CNIH3: variants seen among roughly 807,000 people sequenced by gnomAD.
CNIH3 encodes the protein cornichon family AMPA receptor auxiliary protein 3.
A neutral mutation model predicts 24.1 loss-of-function variants in CNIH3; 14 were observed. The observed-to-expected ratio is 0.58, with a 90% CI of 0.38 to 0.91. The LOEUF (loss-of-function observed/expected upper bound fraction) is 0.91. CNIH3 is among the 40% of genes least tolerant of loss of function. The pLI, the probability that CNIH3 is intolerant of heterozygous loss-of-function variation, is 0.00. For synonymous variants in CNIH3, 68 were observed against 73.8 expected (o/e 0.92, Z 0.40); for missense variants, 178 against 196.8 (o/e 0.90, Z 0.57).
intron 4 of CNIH3, among the ~76,000 whole-genome samples, chr1:224,581,352 A>G (rs1681266650): frequency 6.6e-6 from 1 of 152,156 alleles, no homozygotes; most frequent in East Asian, 1.9e-4. Context: ...CATTACAGGG[A>G]AAAGACCGGA....
rs1266554374 is a variant in CNIH3 at position 224,458,153 on chromosome 1, G to A, written n.203+23291G>A. Among the ~76,000 whole-genome samples, 3 of 152,160 alleles carry A rather than the reference G, an allele frequency of 2.0e-5. No individual in the cohort carries two copies. Among genetic ancestry groups the A allele is most frequent in the East Asian group, 1.9e-4 (1 of 5,196 alleles). On this transcript the variant is annotated intron_variant and non_coding_transcript_variant, in intron 1 of 5. Transcript: ENST00000471578. This position sits in a 1 kb window ranked among gnomAD's most constrained non-coding sequence, Gnocchi z 4.3. ...GCTTTTGAATGTATTAAGGAGTGAC[G>A]TACGGCTGGATTCACTCTGATCTCA... is the stretch of plus-strand genomic sequence containing the variant.
chr1:224,710,790 G>A (rs534104854), intron 3 of CNIH3, among the ~76,000 whole-genome samples: 1 of 152,268 alleles, frequency 6.6e-6, no homozygotes, highest in African/African-American at 2.4e-5. Flanking sequence ...TGGCTAAAAT[G>A]TTATCTTTAC....
chr1:224,520,022 G>C (rs1226264232), intron 1 of CNIH3, among the ~76,000 whole-genome samples: 2 of 152,160 alleles, frequency 1.3e-5, no homozygotes, highest in Admixed American at 1.3e-4. Flanking sequence ...CAGAGGCCAA[G>C]GCTCTGTATC....
At chr1:224,620,086 C>T (rs768295076) in intron 1 of CNIH3, among the ~76,000 whole-genome samples, 1 of 152,194 alleles carries the variant, frequency 6.6e-6, no homozygotes, top group African/African-American at 2.4e-5. Flanking sequence ...AATTTATCTG[C>T]ATTTGTTTTC....
intron 3 of CNIH3, among the ~76,000 whole-genome samples, chr1:224,727,306 C>T (rs1689084058): frequency 3.3e-5 from 5 of 152,198 alleles, no homozygotes; most frequent in Admixed American, 3.3e-4. Flanking sequence ...CAACACTCAA[C>T]TCTTGGCAGC....
At chr1:224,592,683 G>A (rs549002403), downstream of CNIH3, among the ~76,000 whole-genome samples, 56 of 152,260 alleles carry the variant, frequency 3.7e-4, 1 homozygote, top group South Asian at 3.7e-3. Flanking sequence ...GACTACCTAT[G>A]CTTTAGAAGG....
At chr1:224,468,001 C>T (rs756373227) in intron 1 of CNIH3, among the ~76,000 whole-genome samples, 1 of 150,246 alleles carries the variant, frequency 6.7e-6, no homozygotes, top group African/African-American at 2.5e-5. Flanking sequence ...ATCAGTTGTA[C>T]ATTCTTTTGT....
intron 3 of CNIH3, among the ~76,000 whole-genome samples, chr1:224,705,429 G>A (rs1687729565): frequency 6.6e-6 from 1 of 152,210 alleles, no homozygotes; most frequent in South Asian, 2.1e-4. Flanking sequence ...GCACAGCCCT[G>A]GCCCCTTTCC....
intron 1 of CNIH3, chr1:224,435,009 T>C (rs1674583155): frequency 1.0e-6 from 1 of 985,462 alleles, no homozygotes; most frequent in Non-Finnish European, 1.2e-6. Flanking sequence ...CCGGCCCCGC[T>C]CGGGCCTTTC....
intron 3 of CNIH3, among the ~76,000 whole-genome samples, chr1:224,551,321 C>T (rs1216831920): frequency 6.6e-6 from 1 of 152,060 alleles, no homozygotes; most frequent in African/African-American, 2.4e-5. Flanking sequence ...TGGAATCAAA[C>T]CAAATGTCCA....
intron 3 of CNIH3, among the ~76,000 whole-genome samples, chr1:224,558,069 A>G (rs1572473393): frequency 6.6e-6 from 1 of 152,168 alleles, no homozygotes; most frequent in Admixed American, 6.5e-5. Context: ...TGGGTAAACC[A>G]TTTGGCCTGG....
intron 1 of CNIH3, among the ~76,000 whole-genome samples, chr1:224,665,506 A>G (rs1685555109): frequency 1.3e-5 from 2 of 152,228 alleles, no homozygotes; most frequent in Non-Finnish European, 2.9e-5. Context: ...CTGAATAACC[A>G]CTGTGTGCCT....
intron 3 of CNIH3, among the ~76,000 whole-genome samples, chr1:224,602,187 G>T (rs770353269): frequency 1.3e-5 from 2 of 152,136 alleles, no homozygotes; most frequent in Non-Finnish European, 1.5e-5. Context: ...AACATCTTAA[G>T]TAAGTTGCTT....
chr1:224,479,144 CTTTTTTTTTTT>C (rs35188696), intron 1 of CNIH3, among the ~76,000 whole-genome samples: 2 of 53,692 alleles, frequency 3.7e-5, no homozygotes, highest in Admixed American at 3.1e-4. Flanking sequence ...CCCCCAAAGT[CTTTTTTTTTTT>C]TTTTTTTTTT....
chr1:224,712,569 A>G (rs1361385424), intron 3 of CNIH3, among the ~76,000 whole-genome samples: 2 of 152,222 alleles, frequency 1.3e-5, no homozygotes, highest in African/African-American at 4.8e-5. Flanking sequence ...ACTCCTTTGA[A>G]GAGGTGAGAC....
downstream of CNIH3, among the ~76,000 whole-genome samples, chr1:224,589,394 T>G (rs1681655159): frequency 6.6e-6 from 1 of 152,190 alleles, no homozygotes; most frequent in Admixed American, 6.5e-5. Context: ...TCTTCTCAGA[T>G]GAGAGGGAAT....
intron 1 of CNIH3, among the ~76,000 whole-genome samples, chr1:224,450,893 G>GGC (rs1223575335): frequency 1.3e-5 from 2 of 152,144 alleles, no homozygotes; most frequent in African/African-American, 4.8e-5. Flanking sequence ...CTTTGCCCAA[G>GGC]GCACACAGTT....
chr1:224,643,435 C>T (rs1418401491), intron 1 of CNIH3, among the ~76,000 whole-genome samples: 2 of 152,186 alleles, frequency 1.3e-5, no homozygotes, highest in African/African-American at 2.4e-5. Flanking sequence ...ACCACACTGG[C>T]CTGCTTTGGC....
chr1:224,642,051 G>A (rs899113430), intron 1 of CNIH3, among the ~76,000 whole-genome samples: 4 of 152,174 alleles, frequency 2.6e-5, no homozygotes, highest in Non-Finnish European at 4.4e-5. Context: ...GGCTGGTTAT[G>A]CTCCGTTTGG....
Sources: gnomAD v4.1 joint callset for allele counts (sites outside exome capture counted in the v4.1 genomes callset) on GRCh38, gnomAD v4.1.1 for gene constraint, Gnocchi (gnomAD v3.1) non-coding constraint, MANE v1.5 for transcripts, NCBI Gene and HGNC (gene_info 2026-07-23, HGNC 2026-07-21) for gene names.